DIPK1A: variants seen among roughly 807,000 people sequenced by gnomAD.
DIPK1A encodes the protein divergent protein kinase domain 1A.
DIPK1A carries 27 observed loss-of-function variants against 40.8 expected under a neutral mutation model. The observed-to-expected ratio is 0.66, with a 90% confidence interval of 0.49 to 0.91. The LOEUF (loss-of-function observed/expected upper bound fraction) is 0.91, where lower values mean the gene tolerates loss of function less well. Among genes scored for constraint, DIPK1A ranks in the 40% least tolerant of loss-of-function variants. The probability of loss-of-function intolerance (pLI) is 0.00; values close to 1 mark genes in which losing one functional copy is unlikely to be tolerated. For synonymous variants in DIPK1A, 166 were observed against 171.3 expected (o/e 0.97, Z 0.24); for missense variants, 412 against 505.7 (o/e 0.81, Z 1.78).
At chr1:92,839,315 C>T (rs886234287), downstream of DIPK1A, among the ~76,000 whole-genome samples, 2 of 151,924 alleles carry the variant, frequency 1.3e-5, no homozygotes, top group Non-Finnish European at 2.9e-5. Flanking sequence ...GCTGGGATCG[C>T]GCTACTGCAC....
intron 1 of DIPK1A, among the ~76,000 whole-genome samples, chr1:92,953,276 G>A (rs1448372966): frequency 6.6e-6 from 1 of 151,638 alleles, no homozygotes. Flanking sequence ...AGACGGGGAT[G>A]TGGAAAAATT....
intron 1 of DIPK1A, among the ~76,000 whole-genome samples, chr1:92,880,773 G>A (rs1648330691): frequency 6.6e-6 from 1 of 152,176 alleles, no homozygotes; most frequent in Non-Finnish European, 1.5e-5. Context: ...GGGAGGCTGG[G>A]ACAGGAGAAT....
At position 92,836,572 on chromosome 1, in the gene DIPK1A, A is replaced by G. The variant is rs557142703; in HGVS notation, c.475-3538T>C. 6.3e-6 allele frequency: 4 copies of G among 631,522 alleles called. No individual in the cohort carries two copies. In the East Asian group the frequency reaches 1.1e-4, roughly 18 times the overall value. The allele number at this position is 631,522 out of a possible 1,614,324, so 39.1% of individuals were successfully genotyped here. ...GGAATTATAGCCCATTTTATAAATTAAGAGTCTGAGGCCCAGAGTTATTTG... is the reference window on the plus strand; with the variant it reads ...GGAATTATAGCCCATTTTATAAATTGAGAGTCTGAGGCCCAGAGTTATTTG... On this transcript the variant is annotated intron_variant, in intron 4 of 4. Coordinates refer to the DIPK1A transcript ENST00000615519.
chr1:92,926,121 AT>A (rs1023457551), intron 1 of DIPK1A, among the ~76,000 whole-genome samples: 25 of 151,694 alleles, frequency 1.6e-4, no homozygotes, highest in Non-Finnish European at 1.9e-4. Context: ...TAATTTGCTT[AT>A]TTTTTTCCAC....
At chr1:92,834,895 C>T (rs1571026950) in intron 4 of DIPK1A, 1 of 1,602,228 alleles carries the variant, frequency 6.2e-7, no homozygotes. Flanking sequence ...ATTGTACTGG[C>T]CTGCTGCTGG....
At chr1:92,913,522 T>C (rs573525508) in intron 1 of DIPK1A, among the ~76,000 whole-genome samples, 1 of 152,326 alleles carries the variant, frequency 6.6e-6, no homozygotes, top group South Asian at 2.1e-4. Flanking sequence ...CCTTTTGTAT[T>C]AATTAGGGTG....
chr1:92,932,207 G>A (rs984378508), intron 1 of DIPK1A: 17 of 170,314 alleles, frequency 1.0e-4, no homozygotes, highest in East Asian at 1.8e-4. Context: ...TTGGGAGGCC[G>A]AGGCGGGCAG....
At chr1:92,947,800 C>A (rs923921292) in intron 1 of DIPK1A, among the ~76,000 whole-genome samples, 4 of 152,082 alleles carry the variant, frequency 2.6e-5, no homozygotes, top group Non-Finnish European at 5.9e-5. Context: ...CCAGGCGCAG[C>A]AAGATAAATA....
At chr1:92,919,523 A>T (rs1278883809) in intron 1 of DIPK1A, among the ~76,000 whole-genome samples, 1 of 152,156 alleles carries the variant, frequency 6.6e-6, no homozygotes, top group Non-Finnish European at 1.5e-5. Flanking sequence ...ACTCACTCAG[A>T]AGTCACCTTC....
intron 1 of DIPK1A, among the ~76,000 whole-genome samples, chr1:92,894,393 C>T (rs949115502): frequency 2.6e-5 from 4 of 152,058 alleles, no homozygotes; most frequent in African/African-American, 7.3e-5. Context: ...CAATCTGTTC[C>T]TGAATGACTA....
Position 92,847,360 on chromosome 1 carries a change from C to CTT in DIPK1A, c.298-2_298-1insAA, listed in dbSNP as rs763090994. 14 of 1,594,052 alleles carry CTT rather than the reference C, an allele frequency of 8.8e-6. No individual in the cohort carries two copies. Among genetic ancestry groups the CTT allele is most frequent in the African/African-American group, 1.4e-5 (1 of 73,852 alleles). ...GATTATCCCAAATCCCTAAATACATCTATGTAAAAAAGAGTGGCAAGTTAT... is the reference window on the plus strand; with the variant it reads ...GATTATCCCAAATCCCTAAATACATCTTTATGTAAAAAAGAGTGGCAAGTTAT... On this transcript the variant is annotated splice_acceptor_variant, in intron 3 of 4. Transcript: ENST00000370310. LOFTEE classifies it high-confidence loss of function.
chr1:92,836,861 AGGT>A (rs1687152486), intron 4 of DIPK1A: 1 of 206,782 alleles, frequency 4.8e-6, no homozygotes, highest in South Asian at 7.5e-5. Flanking sequence ...GAAGTTAAGT[AGGT>A]TAATTTGTAG....
chr1:92,934,249 C>A (rs1650868212), intron 1 of DIPK1A, among the ~76,000 whole-genome samples: 1 of 152,102 alleles, frequency 6.6e-6, no homozygotes, highest in Non-Finnish European at 1.5e-5. Flanking sequence ...AACTTTTGGT[C>A]ACAAAATAAA....
At chr1:92,879,661 G>A (rs534765687) in intron 1 of DIPK1A, among the ~76,000 whole-genome samples, 5 of 152,132 alleles carry the variant, frequency 3.3e-5, no homozygotes, top group African/African-American at 4.8e-5. Flanking sequence ...ACCTTCATGC[G>A]TCCTTTAATA....
At chr1:92,860,854 T>A (rs528171696) in intron 2 of DIPK1A, among the ~76,000 whole-genome samples, 6 of 152,130 alleles carry the variant, frequency 3.9e-5, no homozygotes, top group Non-Finnish European at 8.8e-5. Context: ...AAATGTTTCA[T>A]GATTGCTTGA....
chr1:92,917,429 T>C (rs1650097144), intron 1 of DIPK1A, among the ~76,000 whole-genome samples: 1 of 152,168 alleles, frequency 6.6e-6, no homozygotes, highest in South Asian at 2.1e-4. Context: ...ATAGGTTCAT[T>C]TAATAGACCT....
intron 1 of DIPK1A, among the ~76,000 whole-genome samples, chr1:92,922,187 A>T (rs971644545): frequency 6.8e-6 from 1 of 146,300 alleles, no homozygotes; most frequent in Non-Finnish European, 1.5e-5. Context: ...ACAGCATTTT[A>T]ATCAATTTTC....
chr1:92,897,028 G>T (rs1241064417), intron 1 of DIPK1A, among the ~76,000 whole-genome samples: 8 of 151,826 alleles, frequency 5.3e-5, no homozygotes, highest in African/African-American at 1.9e-4. Flanking sequence ...AGGATGTGGA[G>T]AAATAGGAAC....
chr1:92,945,695 TCCTG>T (rs1651333709), intron 1 of DIPK1A, among the ~76,000 whole-genome samples: 1 of 152,212 alleles, frequency 6.6e-6, no homozygotes, highest in Non-Finnish European at 1.5e-5. Context: ...CCTAGTTCCT[TCCTG>T]CAATTAACTC....
Sources: gnomAD v4.1 joint callset for allele counts (sites outside exome capture counted in the v4.1 genomes callset) on GRCh38, gnomAD v4.1.1 for gene constraint, MANE v1.5 for transcripts, NCBI Gene and HGNC (gene_info 2026-07-23, HGNC 2026-07-21) for gene names.